Variants in PTPRN2 observed in about 807,000 individuals in gnomAD.
The protein encoded by PTPRN2 is receptor-type tyrosine-protein phosphatase N2.
In PTPRN2, 74 loss-of-function variants were observed where a neutral mutation model predicts 118.8. The ratio of observed to expected loss-of-function variants is 0.62; its 90% CI spans 0.52 to 0.76. The LOEUF is 0.76. PTPRN2 is among the 30% of genes least tolerant of loss of function. The pLI is 0.00. For missense variants in PTPRN2, 1,481 were observed against 1,394.4 expected (o/e 1.06, Z -0.99); for synonymous variants, 641 against 608.0 (o/e 1.05, Z -0.80).
intron 6 of PTPRN2, among the ~76,000 whole-genome samples, chr7:158,139,026 T>C (rs1009479688): frequency 4.0e-5 from 6 of 151,808 alleles, no homozygotes; most frequent in African/African-American, 1.2e-4. Context: ...TAATTACATC[T>C]AAACACAGCC....
chr7:157,843,209 A>C (rs1197209794), intron 12 of PTPRN2, among the ~76,000 whole-genome samples: 1 of 152,250 alleles, frequency 6.6e-6, no homozygotes, highest in Non-Finnish European at 1.5e-5. Flanking sequence ...AGAAATTACA[A>C]AAGCTGTACC....
In PTPRN2 at chr7:157,726,134, G is replaced by GC. The variant is rs1164426736; in HGVS notation, c.1789-43198_1789-43197insG. On this transcript the variant is annotated intron_variant, in intron 12 of 22. Coordinates refer to ENST00000389418, the MANE Select transcript of PTPRN2 (RefSeq NM_002847.5). The stretch of plus-strand genomic sequence containing the variant: ...ACTGGATATCCACATGCAGAGGAAT[G>GC]AGCCAGACTCTCGCCTCCCAGGAAA... 1.4e-4 allele frequency among the ~76,000 whole-genome samples: 8 copies of GC among 57,030 alleles called. 2 individuals carry two copies. Among genetic ancestry groups the GC allele is most frequent in the African/African-American group, 3.3e-4 (4 of 12,212 alleles). 37.4% of individuals were successfully genotyped at this position (57,030 alleles called of 152,430 possible).
At chr7:158,538,614 GCACTGAGAATAGGTGGGCGCT>G (rs1421341319) in intron 1 of PTPRN2, among the ~76,000 whole-genome samples, 1 of 152,154 alleles carries the variant, frequency 6.6e-6, no homozygotes, top group African/African-American at 2.4e-5. Flanking sequence ...AGCGCCCTAG[GCACTGAGAATAGGTGGGCGCT>G]CACCTGACAG....
At chr7:157,656,874 C>T (rs1017920472) in intron 13 of PTPRN2, among the ~76,000 whole-genome samples, 2 of 146,638 alleles carry the variant, frequency 1.4e-5, no homozygotes, top group Non-Finnish European at 3.0e-5. Context: ...CACATATATA[C>T]ACACATACAC....
chr7:157,726,261 A>G (rs56933988), intron 12 of PTPRN2, among the ~76,000 whole-genome samples: 3 of 136,854 alleles, frequency 2.2e-5, no homozygotes, highest in African/African-American at 8.8e-5. Context: ...CCTCCCAGGA[A>G]AACTGGATAT....
At chr7:158,315,700 G>A (rs535017782) in intron 3 of PTPRN2, among the ~76,000 whole-genome samples, 123 of 152,336 alleles carry the variant, frequency 8.1e-4, no homozygotes, top group African/African-American at 2.9e-3. Flanking sequence ...TGGCTGGAGG[G>A]CCAGGGACTC....
At chr7:158,319,119 CATTT>C (rs1274630407) in intron 2 of PTPRN2, among the ~76,000 whole-genome samples, 4 of 152,234 alleles carry the variant, frequency 2.6e-5, no homozygotes, top group African/African-American at 7.2e-5. Context: ...TTCTTTTAAA[CATTT>C]ATTTAGAATA....
At chr7:157,810,581 TGGGGACAGGGAC>T (rs1258097996) in intron 12 of PTPRN2, among the ~76,000 whole-genome samples, 35 of 63,178 alleles carry the variant, frequency 5.5e-4, no homozygotes, top group African/African-American at 2.0e-3. Flanking sequence ...GGGCTCTCCA[TGGGGACAGGGAC>T]GGGGACGGCG....
chr7:158,149,259 A>T (rs967488717), intron 6 of PTPRN2, among the ~76,000 whole-genome samples: 7 of 152,064 alleles, frequency 4.6e-5, no homozygotes, highest in Admixed American at 3.9e-4. Flanking sequence ...CAGGGAACCC[A>T]ATTTCCAACC....
intron 10 of PTPRN2, among the ~76,000 whole-genome samples, chr7:158,109,786 C>G (rs1333174905): frequency 1.3e-5 from 2 of 151,206 alleles, no homozygotes; most frequent in Admixed American, 1.3e-4. Context: ...GAGTGAATGA[C>G]GTTACCCCGG....
chr7:157,702,909 G>A (rs1381867233), intron 12 of PTPRN2, among the ~76,000 whole-genome samples: 1 of 152,190 alleles, frequency 6.6e-6, no homozygotes, highest in African/African-American at 2.4e-5. Context: ...CTTCATACCT[G>A]AGGGGCCAAA....
At chr7:157,661,949 C>G (rs1159367033) in intron 13 of PTPRN2, among the ~76,000 whole-genome samples, 1 of 152,206 alleles carries the variant, frequency 6.6e-6, no homozygotes, top group East Asian at 1.9e-4. Context: ...ATGGACGCCT[C>G]CTAGAAACCA....
At chr7:158,495,920 G>A (rs927485983) in intron 1 of PTPRN2, among the ~76,000 whole-genome samples, 3 of 152,110 alleles carry the variant, frequency 2.0e-5, no homozygotes, top group Admixed American at 6.5e-5. Flanking sequence ...AGGGAGAGAG[G>A]GAGGAGGAAG....
intron 5 of PTPRN2, among the ~76,000 whole-genome samples, chr7:158,173,795 T>C (rs1025371377): frequency 6.6e-6 from 1 of 152,312 alleles, no homozygotes; most frequent in Admixed American, 6.5e-5. Flanking sequence ...GGAAAAGAAT[T>C]CAGCAATATT....
intron 6 of PTPRN2, among the ~76,000 whole-genome samples, chr7:158,157,546 C>A (rs11768856): frequency 0.62 from 94,146 of 151,810 alleles, 30,194 homozygotes; most frequent in East Asian, 0.78. Flanking sequence ...GCCTCCTCCC[C>A]CTGGGAGAAG....
intron 13 of PTPRN2, among the ~76,000 whole-genome samples, chr7:157,664,758 G>A (rs1030106981): frequency 3.3e-5 from 5 of 152,166 alleles, no homozygotes; most frequent in African/African-American, 1.2e-4. Flanking sequence ...GACCCTGTCC[G>A]CCTACACCCG....
At chr7:157,637,847 C>A (rs1382720950) in intron 14 of PTPRN2, among the ~76,000 whole-genome samples, 1 of 152,184 alleles carries the variant, frequency 6.6e-6, no homozygotes, top group African/African-American at 2.4e-5. Flanking sequence ...TCTGTGCCAA[C>A]GATGTACTCA....
rs145895006 is a variant in PTPRN2 at position 157,974,166 on chromosome 7, C to T, written c.1724-75429G>A. Among the ~76,000 whole-genome samples the T allele has an allele frequency of 9.2e-5, 14 of 152,294 alleles. No individual in the cohort carries two copies. Among genetic ancestry groups the T allele is most frequent in the East Asian group, 3.9e-4 (2 of 5,178 alleles). On this transcript the variant is annotated intron_variant, in intron 11 of 22. Coordinates refer to ENST00000389418, the MANE Select transcript of PTPRN2 (RefSeq NM_002847.5). This position sits in a 1 kb window ranked among gnomAD's most constrained non-coding sequence, Gnocchi z 4.0. ...GTCATGAGCGCCGGCCCTGCGGATC[C>T]GGCGATGATCATTGTGGAAAGAATG...
At chr7:158,330,846 C>T (rs1804235274) in intron 2 of PTPRN2, among the ~76,000 whole-genome samples, 1 of 103,134 alleles carries the variant, frequency 9.7e-6, no homozygotes, top group South Asian at 4.1e-4. Context: ...TCCACATTCT[C>T]ACCATAAGAG....
Sources: allele counts gnomAD v4.1 joint callset (sites outside exome capture counted in the v4.1 genomes callset), GRCh38; gene constraint gnomAD v4.1.1; non-coding constraint Gnocchi (gnomAD v3.1); transcripts MANE v1.5; gene names NCBI Gene and HGNC (gene_info 2026-07-23, HGNC 2026-07-21).